The following CDKAL1 variants were observed in gnomAD, a reference collection of about 807,000 sequenced individuals.
CDKAL1 encodes CDKAL1 threonylcarbamoyladenosine tRNA methylthiotransferase.
CDKAL1 carries 32 observed loss-of-function variants against 68.2 expected under a neutral mutation model. The observed-to-expected ratio is 0.47, with a 90% CI of 0.35 to 0.63. The LOEUF (loss-of-function observed/expected upper bound fraction) is 0.63. Among genes scored for constraint, CDKAL1 ranks in the 30% least tolerant of loss-of-function variants. The pLI is 0.00. For synonymous variants in CDKAL1, 234 were observed against 244.3 expected (o/e 0.96, Z 0.39); for missense variants, 606 against 696.7 (o/e 0.87, Z 1.47).
intron 10 of CDKAL1, among the ~76,000 whole-genome samples, chr6:20,997,436 T>C (rs946737917): frequency 3.3e-5 from 5 of 151,752 alleles, no homozygotes; most frequent in African/African-American, 1.2e-4. Context: ...AAGGGGCAAG[T>C]GTATTTTTAT....
intron 4 of CDKAL1, among the ~76,000 whole-genome samples, chr6:20,568,879 A>G (rs1764588351): frequency 6.6e-6 from 1 of 151,936 alleles, no homozygotes; most frequent in African/African-American, 2.4e-5. Flanking sequence ...TGTGACCCAG[A>G]TTGTCTTTAT....
chr6:20,962,610 A>T (rs2150739608), intron 10 of CDKAL1, among the ~76,000 whole-genome samples: 1 of 152,314 alleles, frequency 6.6e-6, no homozygotes, highest in East Asian at 1.9e-4. Flanking sequence ...ATGTTTCATC[A>T]AAGCAATACA....
In CDKAL1 at chr6:20,671,547, A is replaced by G. The variant is rs147340289; in HGVS notation, c.371+22170A>G. Among the ~76,000 whole-genome samples the G allele has an allele frequency of 1.3e-3, 193 of 152,272 alleles. 1 individual carries two copies. Among genetic ancestry groups the G allele is most frequent in the African/African-American group, 4.5e-3 (186 of 41,558 alleles). ...ACCTTTGTGTAAAAAGAGGCTAAAGAGACATTTACTTTTTTCTAGTACTTG... is the reference window on the plus strand; with the variant it reads ...ACCTTTGTGTAAAAAGAGGCTAAAGGGACATTTACTTTTTTCTAGTACTTG... On this transcript the variant is annotated intron_variant, in intron 5 of 15. Transcript: ENST00000274695.
In CDKAL1 at chr6:20,955,456, G is replaced by T. The variant is rs748807478; in HGVS notation, c.780G>T (p.Thr260=). The change falls in exon 10 of 16, where the codon ACG becomes ACT. Residue 260 remains threonine, a synonymous_variant. Coordinates refer to ENST00000274695, the MANE Select transcript of CDKAL1 (RefSeq NM_017774.3). ...AGATATGGTTGACCAGTGAAGACAC[G>T]GGGGCTTATGGCAGAGATATTGGCA... ...VCEIWLTSED[T]GAYGRDIGTN... is the part of the protein sequence containing the mutation. The T allele has an allele frequency of 6.2e-7, 1 of 1,614,080 alleles. No homozygotes were observed. Among genetic ancestry groups the T allele is most frequent in the East Asian group, 2.2e-5 (1 of 44,878 alleles).
intron 10 of CDKAL1, among the ~76,000 whole-genome samples, chr6:20,999,814 G>C (rs1006925877): frequency 1.3e-5 from 2 of 151,980 alleles, no homozygotes; most frequent in Admixed American, 6.6e-5. Flanking sequence ...CTGTATTCCA[G>C]TATAGGGGAT....
chr6:20,817,969 A>G (rs998279334), intron 8 of CDKAL1, among the ~76,000 whole-genome samples: 3 of 152,260 alleles, frequency 2.0e-5, no homozygotes, highest in South Asian at 2.1e-4. Flanking sequence ...AGAAGGGGCC[A>G]CTACTATTTC....
At chr6:21,073,560 A>G (rs1328928547) in intron 12 of CDKAL1, among the ~76,000 whole-genome samples, 2 of 152,216 alleles carry the variant, frequency 1.3e-5, no homozygotes, top group African/African-American at 4.8e-5. Context: ...GTGTAATGGT[A>G]TCTCACTGTA....
At chr6:20,777,793 A>G (rs1351428506) in intron 7 of CDKAL1, among the ~76,000 whole-genome samples, 2 of 152,208 alleles carry the variant, frequency 1.3e-5, no homozygotes, top group Non-Finnish European at 2.9e-5. Flanking sequence ...TTTCCCATAC[A>G]TACATCCATA....
At chr6:21,095,992 T>C (rs1027547124) in intron 12 of CDKAL1, among the ~76,000 whole-genome samples, 1 of 152,200 alleles carries the variant, frequency 6.6e-6, no homozygotes, top group African/African-American at 2.4e-5. Flanking sequence ...TCAGTGATGG[T>C]TGCATTGCTG....
At chr6:20,937,063 CCTT>C (rs1763755009) in intron 9 of CDKAL1, among the ~76,000 whole-genome samples, 2 of 152,118 alleles carry the variant, frequency 1.3e-5, no homozygotes, top group South Asian at 4.2e-4. Flanking sequence ...GTACATTTAC[CCTT>C]CTTCAAGTGT....
At chr6:20,940,850 A>G (rs1032468498) in intron 9 of CDKAL1, among the ~76,000 whole-genome samples, 8 of 152,144 alleles carry the variant, frequency 5.3e-5, no homozygotes, top group Admixed American at 2.0e-4. Context: ...CAGCACTTTG[A>G]GAGGCCAAGG....
chr6:20,691,850 T>C (rs1013832955), intron 5 of CDKAL1, among the ~76,000 whole-genome samples: 2 of 152,230 alleles, frequency 1.3e-5, no homozygotes, highest in African/African-American at 4.8e-5. Context: ...TTTATTTCAT[T>C]CTTTTTTATT....
intron 13 of CDKAL1, among the ~76,000 whole-genome samples, chr6:21,123,666 C>G (rs1483661311): frequency 6.6e-6 from 1 of 152,194 alleles, no homozygotes; most frequent in African/African-American, 2.4e-5. Flanking sequence ...ATAAGCATCT[C>G]CACATGGGTG....
intron 5 of CDKAL1, among the ~76,000 whole-genome samples, chr6:20,674,339 A>T (rs2127784238): frequency 6.6e-6 from 1 of 152,300 alleles, no homozygotes; most frequent in East Asian, 1.9e-4. Context: ...AGTGGAATTG[A>T]CTTTAGTACG....
intron 8 of CDKAL1, among the ~76,000 whole-genome samples, chr6:20,796,656 G>GA (rs1776121500): frequency 6.6e-6 from 1 of 152,178 alleles, no homozygotes; most frequent in Non-Finnish European, 1.5e-5. Context: ...ACTGGAAGGA[G>GA]ACTAACAAGT....
intron 8 of CDKAL1, among the ~76,000 whole-genome samples, chr6:20,838,026 GTATATATGTATACATCTACTTT>G (rs1180933111): frequency 6.8e-6 from 1 of 148,088 alleles, no homozygotes; most frequent in African/African-American, 2.5e-5. Flanking sequence ...ACATCTACTT[GTATATATGTATACATCTACTTT>G]TATATATGTA....
chr6:20,812,400 A>G (rs1159428812), intron 8 of CDKAL1, among the ~76,000 whole-genome samples: 6 of 152,212 alleles, frequency 3.9e-5, no homozygotes, highest in African/African-American at 2.4e-5. Context: ...GATTATTTTG[A>G]CATGCTGTCA....
chr6:20,718,836 ACTT>A (rs994207359), intron 5 of CDKAL1, among the ~76,000 whole-genome samples: 8 of 152,172 alleles, frequency 5.3e-5, no homozygotes, highest in African/African-American at 1.2e-4. Flanking sequence ...ATTAAAAAAA[ACTT>A]CTTACTATTT....
chr6:21,142,620 T>C (rs1775975692), intron 13 of CDKAL1, among the ~76,000 whole-genome samples: 1 of 152,172 alleles, frequency 6.6e-6, no homozygotes, highest in Non-Finnish European at 1.5e-5. Context: ...TAGTGCCAGG[T>C]ATTATGAAGA....
Sources: gnomAD v4.1 joint callset for allele counts (sites outside exome capture counted in the v4.1 genomes callset) on GRCh38, gnomAD v4.1.1 for gene constraint, MANE v1.5 for transcripts, NCBI Gene and HGNC (gene_info 2026-07-23, HGNC 2026-07-21) for gene names.